Variants in AKR1A1 observed in about 807,000 individuals in gnomAD.
AKR1A1 encodes the protein aldo-keto reductase family 1 member A1.
AKR1A1 carries 26 observed loss-of-function variants against 39.2 expected under a neutral mutation model. The observed-to-expected ratio is 0.66, with a 90% CI of 0.49 to 0.92. The LOEUF is 0.92. AKR1A1 is among the 40% of genes least tolerant of loss of function. The pLI is 0.00. For missense variants in AKR1A1, 378 were observed against 406.5 expected, an observed-to-expected ratio of 0.93 and a Z score of 0.60; for synonymous variants, 141 against 155.5, an observed-to-expected ratio of 0.91 and a Z score of 0.69.
chr1:45,563,103 TA>T (rs1160484371), intron 2 of AKR1A1, among the ~76,000 whole-genome samples: 117 of 138,280 alleles, frequency 8.5e-4, no homozygotes, highest in East Asian at 8.5e-4. Context: ...GAGACCATCT[TA>T]AAAAAAAAAA....
In AKR1A1 at chr1:45,567,031, C is replaced by T. The variant is rs190682092; in HGVS notation, c.356+11C>T. 49 of 1,612,016 alleles carry T rather than the reference C, an allele frequency of 3.0e-5. No individual in the cohort carries two copies. The African/African-American group carries it at 4.9e-4, about 16-fold the overall frequency. ...GCCTTATGCCTTTGAGTGAGCCTTG[C>T]CAGAGCCTCATCTGGGGAATCAGGG... is the stretch of plus-strand genomic sequence containing the variant. On this transcript the variant is annotated intron_variant, in intron 4 of 8. Coordinates refer to ENST00000351829, the MANE Select transcript of AKR1A1 (RefSeq NM_153326.3).
intron 1 of AKR1A1, among the ~76,000 whole-genome samples, chr1:45,555,930 G>A (rs987866655): frequency 6.6e-6 from 1 of 152,128 alleles, no homozygotes; most frequent in Non-Finnish European, 1.5e-5. Context: ...ATATACAGAA[G>A]TGGGGTGAGA....
chr1:45,564,830 A>T (rs1425145951), intron 2 of AKR1A1, among the ~76,000 whole-genome samples: 1 of 149,880 alleles, frequency 6.7e-6, no homozygotes, highest in African/African-American at 2.5e-5. Flanking sequence ...TATTTATTTA[A>T]TTTTATTTTT....
Position 45,559,634 on chromosome 1 carries a change from CTTTTTTTTTTTTTTT to C in AKR1A1, c.-6-2142_-6-2128del, listed in dbSNP as rs71056306. 1.2e-4 allele frequency among the ~76,000 whole-genome samples: 9 copies of C among 73,128 alleles called. No homozygotes were observed. The Admixed American group carries it at 1.7e-3, about 14-fold the overall frequency. The allele number at this position is 73,128 out of a possible 152,430, so 48.0% of individuals were successfully genotyped here. A position where few individuals can be genotyped will look rare whatever the true frequency, so the allele number is the denominator to read the frequency against. ...TGCCACTTCTTTTCTCTTTTCTTTT[CTTTTTTTTTTTTTTT>C]TTTTTTTTTTTTGAGACGGAGTCTC... On this transcript the variant is annotated intron_variant, in intron 1 of 8. Coordinates refer to ENST00000351829, the MANE Select transcript of AKR1A1 (RefSeq NM_153326.3).
At chr1:45,566,400 T>A (rs1426835852) in intron 2 of AKR1A1, among the ~76,000 whole-genome samples, 169 bp from the exon 3 acceptor site, 9 of 152,176 alleles carry the variant, frequency 5.9e-5, no homozygotes, top group Admixed American at 5.9e-4. Context: ...AGTGCTGGGA[T>A]TACAGGCGTG....
At chr1:45,564,273 C>T (rs1274676551) in intron 2 of AKR1A1, among the ~76,000 whole-genome samples, 1 of 152,098 alleles carries the variant, frequency 6.6e-6, no homozygotes, top group Admixed American at 6.6e-5. Context: ...GGGCCACAGA[C>T]AAGGCCAAGG....
intron 1 of AKR1A1, among the ~76,000 whole-genome samples, chr1:45,553,344 C>T (rs1237022238): frequency 1.3e-5 from 2 of 151,808 alleles, no homozygotes; most frequent in East Asian, 3.9e-4. Flanking sequence ...ATCGGTTGAA[C>T]CTGGAAGGCG....
intron 5 of AKR1A1, 57 bp from the exon 6 acceptor site, chr1:45,568,428 T>C: frequency 6.3e-7 from 1 of 1,587,956 alleles, no homozygotes; most frequent in Admixed American, 1.7e-5. Flanking sequence ...ATGTCTGGGA[T>C]GGGCCAAGCA....
intron 1 of AKR1A1, among the ~76,000 whole-genome samples, chr1:45,558,499 A>G (rs942408236): frequency 1.2e-3 from 183 of 151,424 alleles, no homozygotes; most frequent in African/African-American, 4.2e-3. Context: ...CCCGAGTTCA[A>G]GCGATTCCTC....
chr1:45,560,500 C>T (rs1286601391), intron 1 of AKR1A1, among the ~76,000 whole-genome samples: 1 of 152,166 alleles, frequency 6.6e-6, no homozygotes, highest in African/African-American at 2.4e-5. Flanking sequence ...GTCCCAGCTA[C>T]TTGGAAGGGT....
At chr1:45,568,253 T>A (rs1644371583) in intron 5 of AKR1A1, 76 bp downstream of exon 5, 20 of 1,464,518 alleles carry the variant, frequency 1.4e-5, no homozygotes, top group Non-Finnish European at 1.9e-5. Flanking sequence ...TGGATCTGCT[T>A]AAGGGAGATA....
At chr1:45,553,090 A>T (rs1031008507) in intron 1 of AKR1A1, among the ~76,000 whole-genome samples, 2 of 151,238 alleles carry the variant, frequency 1.3e-5, no homozygotes, top group African/African-American at 4.9e-5. Flanking sequence ...ATGCCACTGC[A>T]TTCCAGCCTG....
chr1:45,550,866 C>G lies in AKR1A1; in HGVS notation c.-296C>G, dbSNP rs1293822103. 6.6e-6 allele frequency: 1 copy of G among 152,400 alleles called. No individual in the cohort carries two copies. The highest frequency in any genetic ancestry group is 2.4e-5 in the African/African-American group (1 of 41,476). 9.4% of individuals were successfully genotyped at this position (152,400 alleles called of 1,614,324 possible). The stretch of plus-strand genomic sequence containing the variant: ...ATTGTGCCCAGGAGTTCTCCAAACC[C>G]GCGCTGCGGAGTGAGTGACCAAGTT... On this transcript the variant is annotated 5_prime_UTR_variant, in exon 1 of 9. Transcript: ENST00000351829.
intron 1 of AKR1A1, among the ~76,000 whole-genome samples, chr1:45,560,542 C>CA (rs1471393212): frequency 6.6e-6 from 1 of 152,098 alleles, no homozygotes; most frequent in Non-Finnish European, 1.5e-5. Flanking sequence ...CTTAGGAGTT[C>CA]AAGGCTGCAG....
At position 45,566,566 on chromosome 1, in the gene AKR1A1, C is replaced by G. The variant is rs1394775032; in HGVS notation, c.85-3C>G. 2 of 1,614,078 alleles carry G rather than the reference C, an allele frequency of 1.2e-6. No homozygotes were observed. Among genetic ancestry groups the G allele is most frequent in the South Asian group, 2.2e-5 (2 of 91,076 alleles). ...TGAAACCTCTGCTTCTCTCACCTGG[C>G]AGGTAAAAGCAGCTGTTAAGTATGC... On this transcript the variant is annotated splice_region_variant and splice_polypyrimidine_tract_variant and intron_variant, in intron 2 of 8. Coordinates refer to ENST00000351829, the MANE Select transcript of AKR1A1 (RefSeq NM_153326.3).
chr1:45,558,002 T>A (rs1308142182), intron 1 of AKR1A1, among the ~76,000 whole-genome samples: 1 of 134,194 alleles, frequency 7.5e-6, no homozygotes, highest in Non-Finnish European at 1.5e-5. Flanking sequence ...CTCTGCCTCC[T>A]GGGTTCAAGC....
Position 45,557,145 on chromosome 1 carries a change from G to A in AKR1A1, c.-6-4644G>A, listed in dbSNP as rs560522407. Among the ~76,000 whole-genome samples the A allele has an allele frequency of 1.2e-4, 19 of 152,138 alleles. No individual in the cohort carries two copies. The East Asian group carries it at 3.3e-3, about 26-fold the overall frequency. ...GTGGAGGTTGCAGTGAGCCAAGATC[G>A]CGCCATTGCACCCCAGCCTGGGTGA... On this transcript the variant is annotated intron_variant, in intron 1 of 8. Transcript: ENST00000351829.
In AKR1A1 at chr1:45,551,071, A is replaced by C. The variant is rs1314679281; in HGVS notation, c.-91A>C. The C allele has an allele frequency of 6.6e-6, 1 of 152,388 alleles. No homozygotes were observed. The highest frequency in any genetic ancestry group is 1.5e-5 in the Non-Finnish European group (1 of 68,146). The allele number at this position is 152,388 out of a possible 1,614,324, so 9.4% of individuals were successfully genotyped here. A position where few individuals can be genotyped will look rare whatever the true frequency, so the allele number is the denominator to read the frequency against. ...GAACTTCCCCCTCACCGCCAGACTT[A>C]AGCTGAGGATCGTTGGATCTCTGGC... On this transcript the variant is annotated 5_prime_UTR_variant, in exon 1 of 9. The change abolishes the stop of an existing upstream ORF in the 5' untranslated region. Coordinates refer to ENST00000351829, the MANE Select transcript of AKR1A1 (RefSeq NM_153326.3).
At chr1:45,563,219 G>A (rs1390118747) in intron 2 of AKR1A1, among the ~76,000 whole-genome samples, 2 of 151,888 alleles carry the variant, frequency 1.3e-5, no homozygotes, top group East Asian at 1.9e-4. Flanking sequence ...GGCCAACGTG[G>A]TGAAACCCCG....
Sources: allele counts gnomAD v4.1 joint callset (sites outside exome capture counted in the v4.1 genomes callset), GRCh38; gene constraint gnomAD v4.1.1; transcripts MANE v1.5; gene names NCBI Gene and HGNC (gene_info 2026-07-23, HGNC 2026-07-21).